Variants in SP140L observed in about 807,000 individuals in gnomAD.
SP140L encodes the protein nuclear body protein SP140-like protein.
In SP140L, 64 loss-of-function variants were observed where a neutral mutation model predicts 84.3. The ratio of observed to expected loss-of-function variants is 0.76; its 90% CI spans 0.62 to 0.94. The LOEUF (loss-of-function observed/expected upper bound fraction) is 0.94. Ranked by LOEUF, SP140L falls within the 40% of genes least tolerant of loss-of-function variation. The pLI, the probability that SP140L is intolerant of heterozygous loss-of-function variation, is 0.00. For synonymous variants in SP140L, 242 were observed against 236.9 expected, an observed-to-expected ratio of 1.02 and a Z score of -0.20; for missense variants, 628 against 692.5, an observed-to-expected ratio of 0.91 and a Z score of 1.05.
intron 2 of SP140L, among the ~76,000 whole-genome samples, chr2:230,335,433 G>T (rs1003041836): frequency 6.6e-6 from 1 of 152,140 alleles, no homozygotes; most frequent in African/African-American, 2.4e-5. Flanking sequence ...TTTTGATTTT[G>T]ATTTCCTGAT....
rs370750884 is a variant in SP140L, at chr2:230,392,152, A to G, written c.1030A>G (p.Lys344Glu). 4.5e-5 allele frequency: 72 copies of G among 1,614,096 alleles called. No homozygotes were observed. In the African/African-American group the frequency reaches 7.7e-4, roughly 17 times the overall value. ...KWFTPMEFEI[K>E]GGYARSKNWR... ...GTTCACCCCCATGGAATTTGAAATC[A>G]AAGGAGGCTACGCAAGATCAAAGAA... is the stretch of plus-strand genomic sequence containing the variant. The change falls in exon 12 of 19, where the codon AAA becomes GAA. Residue 344 changes from lysine to glutamate, a missense_variant. Around this residue, in one of 4 missense-constraint regions of SP140L, gnomAD observed 525 missense variants for 518.4 expected, o/e 1.01. Transcript: ENST00000415673.
chr2:230,374,385 T>G (rs888958511), intron 7 of SP140L, among the ~76,000 whole-genome samples: 1 of 151,182 alleles, frequency 6.6e-6, no homozygotes, highest in African/African-American at 2.4e-5. Context: ...TAAAACTGAG[T>G]GATAAGGAGT....
chr2:230,336,029 C>G (rs2059868134), intron 2 of SP140L, among the ~76,000 whole-genome samples: 1 of 152,150 alleles, frequency 6.6e-6, no homozygotes, highest in African/African-American at 2.4e-5. Context: ...TACAGATAAG[C>G]ATAATGAAGG....
At chr2:230,364,527 A>T (rs1160931192) in intron 5 of SP140L, among the ~76,000 whole-genome samples, 1 of 152,056 alleles carries the variant, frequency 6.6e-6, no homozygotes, top group Non-Finnish European at 1.5e-5. Context: ...TATTAGTTCT[A>T]GCAGTTTTTT....
intron 7 of SP140L, among the ~76,000 whole-genome samples, chr2:230,374,774 T>C (rs946226718): frequency 2.0e-5 from 3 of 152,210 alleles, no homozygotes; most frequent in Admixed American, 6.5e-5. Context: ...TTTTGAGCTA[T>C]AAAGTATTTT....
At chr2:230,362,951 G>A (rs954842555) in intron 5 of SP140L, among the ~76,000 whole-genome samples, 1 of 152,084 alleles carries the variant, frequency 6.6e-6, no homozygotes, top group African/African-American at 2.4e-5. Flanking sequence ...AATCCTCATA[G>A]AAAGACCAAC....
At chr2:230,369,168 C>G (rs1328584253) in intron 5 of SP140L, among the ~76,000 whole-genome samples, 1 of 152,220 alleles carries the variant, frequency 6.6e-6, no homozygotes, top group Non-Finnish European at 1.5e-5. Flanking sequence ...CAAAGAAAGG[C>G]TTGCTGCTGA....
intron 2 of SP140L, among the ~76,000 whole-genome samples, chr2:230,335,456 C>T (rs149954722): frequency 6.6e-6 from 1 of 152,304 alleles, no homozygotes; most frequent in East Asian, 1.9e-4. Context: ...ACCTAAGAAG[C>T]GTCTGGAAGC....
chr2:230,349,914 C>T (rs545495388), intron 2 of SP140L, among the ~76,000 whole-genome samples: 1 of 152,238 alleles, frequency 6.6e-6, no homozygotes, highest in African/African-American at 2.4e-5. Flanking sequence ...ATGGCTGAGG[C>T]AGGAGAATTG....
intron 6 of SP140L, 43 bp from the exon 7 acceptor site, chr2:230,371,555 T>C: frequency 6.8e-7 from 1 of 1,473,048 alleles, no homozygotes; most frequent in Non-Finnish European, 9.4e-7. Flanking sequence ...ATAACTTTTA[T>C]TTATTAATTT....
At chr2:230,398,528 T>A (rs1010094563) in intron 14 of SP140L, among the ~76,000 whole-genome samples, 8 of 152,216 alleles carry the variant, frequency 5.3e-5, no homozygotes, top group African/African-American at 1.9e-4. Context: ...AAACAAGGAA[T>A]TCACAGACCC....
At chr2:230,341,986 C>G (rs929962540) in intron 2 of SP140L, 2 of 153,798 alleles carry the variant, frequency 1.3e-5, no homozygotes, top group African/African-American at 4.8e-5. Context: ...CCTAGAGAGA[C>G]AGGCAGGCCT....
chr2:230,393,744 G>C (rs1280436572), intron 13 of SP140L, among the ~76,000 whole-genome samples: 1 of 152,160 alleles, frequency 6.6e-6, no homozygotes, highest in African/African-American at 2.4e-5. Flanking sequence ...TACAGATGTT[G>C]TAAGAGTGTC....
intron 12 of SP140L, among the ~76,000 whole-genome samples, chr2:230,393,098 A>G (rs7563493): frequency 0.7 from 106,436 of 152,030 alleles, 38,005 homozygotes; most frequent in Non-Finnish European, 0.75. Context: ...CTGGTGTAGG[A>G]ACTCCAGCTG....
In SP140L at chr2:230,327,417, G is replaced by A. The variant is rs2059610188; in HGVS notation, c.32+116G>A. On this transcript the variant is annotated intron_variant, in intron 1 of 18. Coordinates refer to ENST00000415673, the MANE Select transcript of SP140L (RefSeq NM_138402.6). Reference sequence around the variant, plus strand: ...TTAGTCCTGCTTTGCAAGAACATAGGTAGGTAGTGTAATATAATGGAATAA... The same window carrying A: ...TTAGTCCTGCTTTGCAAGAACATAGATAGGTAGTGTAATATAATGGAATAA... 26 of 1,171,648 alleles carry A rather than the reference G, an allele frequency of 2.2e-5. 1 individual carries two copies. In the South Asian group the frequency reaches 3.7e-4, roughly 17 times the overall value. 72.6% of individuals were successfully genotyped at this position (1,171,648 alleles called of 1,614,324 possible). A position where few individuals can be genotyped will look rare whatever the true frequency, so the allele number is the denominator to read the frequency against.
At position 230,388,635 on chromosome 2, in the gene SP140L, T is replaced by TA. The variant is rs751343001; in HGVS notation, c.859+8dup. The TA allele has an allele frequency of 5.0e-6, 8 of 1,602,758 alleles. No homozygotes were observed. Among genetic ancestry groups the TA allele is most frequent in the Non-Finnish European group, 5.1e-6 (6 of 1,175,482 alleles). On this transcript the variant is annotated splice_region_variant and intron_variant, in intron 10 of 18. Coordinates refer to ENST00000415673, the MANE Select transcript of SP140L (RefSeq NM_138402.6). ...CACAGAAAAGAGTCCGATCAAGAGG[T>TA]AAAAAAGAAAAGAGGAATGCACTTT...
chr2:230,366,723 T>C (rs1334321790), intron 5 of SP140L, among the ~76,000 whole-genome samples: 2 of 123,256 alleles, frequency 1.6e-5, no homozygotes, highest in Non-Finnish European at 4.0e-5. Context: ...TTATTATTAT[T>C]ATTATTATTA....
intron 7 of SP140L, 147 bp from the exon 8 acceptor site, chr2:230,383,363 T>C (rs1023323075): frequency 2.2e-5 from 15 of 679,820 alleles, no homozygotes; most frequent in South Asian, 2.1e-4. Flanking sequence ...TGTACTCAAC[T>C]TCCACACTGC....
chr2:230,331,336 G>A (rs772341740), intron 2 of SP140L, among the ~76,000 whole-genome samples: 33 of 152,154 alleles, frequency 2.2e-4, no homozygotes, highest in Non-Finnish European at 4.4e-4. Flanking sequence ...TACAGAGTTT[G>A]GTACTATCTG....
Sources: allele counts gnomAD v4.1 joint callset (sites outside exome capture counted in the v4.1 genomes callset), GRCh38; gene constraint gnomAD v4.1.1; regional missense constraint gnomAD v4.1.1; transcripts MANE v1.5; gene names NCBI Gene and HGNC (gene_info 2026-07-23, HGNC 2026-07-21).